TTC12: variants seen among roughly 807,000 people sequenced by gnomAD.
TTC12 encodes the protein tetratricopeptide repeat domain 12, also known as tetratricopeptide repeat protein 12.
Under a neutral mutation model 90.1 loss-of-function variants are expected in TTC12, and 70 were observed. The observed-to-expected ratio is 0.78, with a 90% CI of 0.64 to 0.95. The LOEUF is 0.95. TTC12 is among the 40% of genes least tolerant of loss of function. The pLI is 0.00. For missense variants in TTC12, 819 were observed against 846.1 expected (o/e 0.97, Z 0.40); for synonymous variants, 296 against 311.5 (o/e 0.95, Z 0.53).
chr11:113,345,114 G>A (rs1309093988), intron 13 of TTC12, among the ~76,000 whole-genome samples: 2 of 151,956 alleles, frequency 1.3e-5, no homozygotes, highest in Non-Finnish European at 2.9e-5. Flanking sequence ...ATCTTTACAT[G>A]ATTAGTTTGA....
At chr11:113,360,045 AT>A in intron 18 of TTC12, 37 bp downstream of exon 18, 1 of 807,732 alleles carries the variant, frequency 1.2e-6, no homozygotes, top group South Asian at 1.6e-5. Context: ...AGCAGCTTCC[AT>A]TGTTCTTGTT....
At chr11:113,366,415 G>A, downstream of TTC12, 3 of 1,539,512 alleles carry the variant, frequency 1.9e-6, no homozygotes, top group Non-Finnish European at 2.6e-6. Flanking sequence ...CATTTTTAGA[G>A]TGTTTGCATT....
Position 113,323,355 on chromosome 11 carries a change from A to G in TTC12, c.126A>G (p.Glu42=), listed in dbSNP as rs782006323. 2.5e-6 allele frequency: 4 copies of G among 1,613,304 alleles called. No individual in the cohort carries two copies. Among genetic ancestry groups the G allele is most frequent in the African/African-American group, 2.7e-5 (2 of 74,892 alleles). ...AACAGAAAGCTGTCCTGGAGACAGA[A>G]AAGAGACTACTGCTTATGGAGGAAG... ...VVQQKAVLET[E]KRLLLMEEDQ... Residue 42 remains glutamate (E), a synonymous_variant, in exon 3 of 22, where the codon GAA becomes GAG. Coordinates refer to ENST00000529221, the MANE Select transcript of TTC12 (RefSeq NM_017868.4).
At chr11:113,344,725 T>C (rs1259671526) in intron 13 of TTC12, among the ~76,000 whole-genome samples, 6 of 152,180 alleles carry the variant, frequency 3.9e-5, no homozygotes, top group Non-Finnish European at 7.4e-5. Context: ...CACCTTAAAA[T>C]AGGTCACTTG....
chr11:113,358,457 A>G (rs1949741229), intron 16 of TTC12, among the ~76,000 whole-genome samples: 1 of 152,126 alleles, frequency 6.6e-6, no homozygotes, highest in African/African-American at 2.4e-5. Flanking sequence ...CAGAGCCCCC[A>G]AGACTGCTCA....
Position 113,344,253 on chromosome 11 carries a change from C to T in TTC12, c.986-19C>T. Reference sequence around the variant, plus strand: ...GCCATGATGGCATGCACAAGACACACAACCTCTGTGTTTTGCAGAGGAAAA... The same window carrying T: ...GCCATGATGGCATGCACAAGACACATAACCTCTGTGTTTTGCAGAGGAAAA... On this transcript the variant is annotated intron_variant, in intron 12 of 21. Transcript: ENST00000529221. The T allele has an allele frequency of 1.2e-6, 2 of 1,601,510 alleles. No individual in the cohort carries two copies. Among genetic ancestry groups the T allele is most frequent in the Non-Finnish European group, 1.7e-6 (2 of 1,171,638 alleles).
chr11:113,352,109 C>G lies in TTC12; in HGVS notation c.1348C>G (p.Gln450Glu). The part of the protein sequence containing the change: ...PKVSSSSALC[Q>E]CIAIMGNLSA... ...GGTAAGCAGCTCCTCGGCTCTGTGCCAGTGCATTGCCATCATGGGAAACCT... is the reference window on the plus strand; with the variant it reads ...GGTAAGCAGCTCCTCGGCTCTGTGCGAGTGCATTGCCATCATGGGAAACCT... Residue 450 changes from glutamine (Q) to glutamate (E), a missense_variant, in exon 16 of 22, where the codon CAG (glutamine) becomes GAG (glutamate). Physicochemically the swap from Gln to Glu is conservative, Grantham distance 29. Transcript: ENST00000529221. 1 of 1,614,224 alleles carries G rather than the reference C, an allele frequency of 6.2e-7. No homozygotes were observed. Among genetic ancestry groups the G allele is most frequent in the Non-Finnish European group, 8.5e-7 (1 of 1,180,032 alleles).
intron 8 of TTC12, among the ~76,000 whole-genome samples, chr11:113,337,993 T>C (rs1348896786): frequency 3.9e-5 from 6 of 152,236 alleles, no homozygotes; most frequent in African/African-American, 1.4e-4. Context: ...TAATGTGTTA[T>C]TGTTTTCCTT....
At chr11:113,325,496 C>T in intron 5 of TTC12, 28 bp from the exon 6 acceptor site, 1 of 1,612,362 alleles carries the variant, frequency 6.2e-7, no homozygotes, top group South Asian at 1.1e-5. Flanking sequence ...GTGGTGAGAG[C>T]TCACCTGTGT....
rs1555153276 is a variant in TTC12 at position 113,358,483 on chromosome 11, C to CCCAGGAG, written c.1447-880_1447-879insCCAGGAG. ...AGACTGCTCAGCAAGCAGGTGTGGC[C>CCCAGGAG]TGGCTGGGGCCCCAGGAGAGGCCAG... On this transcript the variant is annotated intron_variant, in intron 16 of 21. Coordinates refer to ENST00000529221, the MANE Select transcript of TTC12 (RefSeq NM_017868.4). 2.1e-4 allele frequency among the ~76,000 whole-genome samples: 32 copies of CCCAGGAG among 152,300 alleles called. 1 individual carries two copies. Among genetic ancestry groups the CCCAGGAG allele is most frequent in the Admixed American group, 2.0e-3 (30 of 15,308 alleles).
At chr11:113,350,413 C>T (rs1438389843) in intron 14 of TTC12, among the ~76,000 whole-genome samples, 5 of 152,182 alleles carry the variant, frequency 3.3e-5, no homozygotes, top group African/African-American at 1.2e-4. Flanking sequence ...AAAGCAGTGC[C>T]TCTCACAGTA....
Position 113,366,364 on chromosome 11 carries a change from T to A in TTC12, c.*64T>A. On this transcript the variant is annotated 3_prime_UTR_variant, in exon 22 of 22. Transcript: ENST00000529221. The stretch of plus-strand genomic sequence containing the variant: ...TGCACACCGTGTGTTGTTCCTATGC[T>A]AATAAAGACCTTTGATGTATCCACT... 1 of 1,604,514 alleles carries A rather than the reference T, an allele frequency of 6.2e-7. No homozygotes were observed. The highest frequency in any genetic ancestry group is 8.5e-7 in the Non-Finnish European group (1 of 1,178,164).
intron 16 of TTC12, among the ~76,000 whole-genome samples, 182 bp downstream of exon 16, chr11:113,352,389 G>A (rs554592516): frequency 1.3e-5 from 2 of 152,112 alleles, no homozygotes; most frequent in African/African-American, 4.8e-5. Context: ...TGCAGATCAA[G>A]TCTCATTTGC....
At chr11:113,315,143 G>C (rs561508825) in intron 1 of TTC12, 3 of 122,064 alleles carry the variant, frequency 2.5e-5, no homozygotes, top group African/African-American at 9.3e-5. Flanking sequence ...GATTTGACCT[G>C]GAAGAAACCC....
intron 13 of TTC12, among the ~76,000 whole-genome samples, chr11:113,348,354 T>G (rs1159282028): frequency 2.6e-5 from 4 of 152,208 alleles, no homozygotes; most frequent in African/African-American, 9.7e-5. Context: ...CCTTAGCATC[T>G]CCTGAATTCA....
At chr11:113,330,323 A>G (rs1947974760) in intron 7 of TTC12, among the ~76,000 whole-genome samples, 1 of 152,204 alleles carries the variant, frequency 6.6e-6, no homozygotes, top group Non-Finnish European at 1.5e-5. Context: ...TTATTTCTGC[A>G]ATGCTGTTCT....
intron 12 of TTC12, among the ~76,000 whole-genome samples, chr11:113,342,581 T>C (rs1948741488): frequency 6.6e-6 from 1 of 152,242 alleles, no homozygotes; most frequent in South Asian, 2.1e-4. Context: ...ATGTCTCCTT[T>C]TCACAGGGCT....
downstream of TTC12, among the ~76,000 whole-genome samples, chr11:113,366,873 G>T (rs1273299015): frequency 1.3e-5 from 2 of 152,174 alleles, no homozygotes. Context: ...ATCATTCTGG[G>T]AATCATTCCT....
intron 2 of TTC12, among the ~76,000 whole-genome samples, chr11:113,316,949 C>G (rs139271745): frequency 6.6e-6 from 1 of 152,304 alleles, no homozygotes; most frequent in Non-Finnish European, 1.5e-5. Flanking sequence ...AGCAAACAGA[C>G]CTTACATAGT....
Sources: gnomAD v4.1 joint callset for allele counts (sites outside exome capture counted in the v4.1 genomes callset) on GRCh38, gnomAD v4.1.1 for gene constraint, MANE v1.5 for transcripts, NCBI Gene and HGNC (gene_info 2026-07-23, HGNC 2026-07-21) for gene names.